Variants in LRRC4C observed in about 807,000 individuals in gnomAD.
LRRC4C encodes leucine-rich repeat-containing protein 4C.
LRRC4C carries 5 observed loss-of-function variants against 33.6 expected under a neutral mutation model. The observed-to-expected ratio is 0.15, with a 90% CI of 0.08 to 0.31. The LOEUF (loss-of-function observed/expected upper bound fraction) is 0.31. LRRC4C is among the 10% of genes least tolerant of loss of function. The pLI, the probability that LRRC4C is intolerant of heterozygous loss-of-function variation, is 1.00. For missense variants in LRRC4C, 560 were observed against 796.7 expected, an observed-to-expected ratio of 0.70 and a Z score of 3.58; for synonymous variants, 329 against 302.0, an observed-to-expected ratio of 1.09 and a Z score of -0.93.
intron 3 of LRRC4C, among the ~76,000 whole-genome samples, chr11:40,507,684 T>A (rs956027134): frequency 6.6e-6 from 1 of 152,110 alleles, no homozygotes; most frequent in African/African-American, 2.4e-5. Flanking sequence ...TATTTTAATA[T>A]TGGCAACTAT....
At chr11:40,762,672 T>C (rs1949275668) in intron 2 of LRRC4C, among the ~76,000 whole-genome samples, 1 of 152,138 alleles carries the variant, frequency 6.6e-6, no homozygotes, top group Non-Finnish European at 1.5e-5. Flanking sequence ...CATACCTCAG[T>C]CTTTGCCAAA....
intron 3 of LRRC4C, among the ~76,000 whole-genome samples, chr11:40,636,885 T>G (rs909186466): frequency 1.3e-5 from 2 of 152,282 alleles, no homozygotes; most frequent in African/African-American, 4.8e-5. Flanking sequence ...CCATCTCCCT[T>G]GGCAGTGAGC....
intron 5 of LRRC4C, among the ~76,000 whole-genome samples, chr11:40,164,736 C>T (rs1049310674): frequency 6.6e-6 from 1 of 152,022 alleles, no homozygotes; most frequent in Non-Finnish European, 1.5e-5. Flanking sequence ...TTCAAAATAG[C>T]TAAAAGAGAA....
chr11:41,114,502 A>G (rs1362653993), intron 1 of LRRC4C, among the ~76,000 whole-genome samples: 1 of 152,080 alleles, frequency 6.6e-6, no homozygotes, highest in African/African-American at 2.4e-5. Flanking sequence ...AAAAGACATT[A>G]TCATTTGGGT....
intron 2 of LRRC4C, among the ~76,000 whole-genome samples, chr11:40,804,528 A>G (rs958213265): frequency 1.3e-5 from 2 of 152,202 alleles, no homozygotes; most frequent in African/African-American, 4.8e-5. Context: ...CACTTGGCTA[A>G]TAAGCCTTCT....
intron 1 of LRRC4C, among the ~76,000 whole-genome samples, chr11:41,295,349 T>TA (rs926934925): frequency 8.6e-5 from 13 of 151,886 alleles, no homozygotes; most frequent in East Asian, 7.7e-4. Flanking sequence ...CAATATGCGG[T>TA]AAAAAAAAGC....
At chr11:40,698,416 C>A (rs1449500903) in intron 2 of LRRC4C, among the ~76,000 whole-genome samples, 1 of 152,048 alleles carries the variant, frequency 6.6e-6, no homozygotes, top group Non-Finnish European at 1.5e-5. Context: ...GGAGAATAAT[C>A]CAATTCTGGT....
At chr11:40,815,676 T>C (rs1951679237) in intron 2 of LRRC4C, among the ~76,000 whole-genome samples, 1 of 152,152 alleles carries the variant, frequency 6.6e-6, no homozygotes, top group Admixed American at 6.6e-5. Flanking sequence ...AGCACCAGTC[T>C]CATTAAAATT....
At chr11:40,660,597 G>A (rs1389542381) in intron 2 of LRRC4C, among the ~76,000 whole-genome samples, 1 of 152,138 alleles carries the variant, frequency 6.6e-6, no homozygotes, top group Admixed American at 6.5e-5. Context: ...TGCTGCTTCT[G>A]CTGAATATGT....
At chr11:40,402,190 G>C (rs897361771) in intron 3 of LRRC4C, among the ~76,000 whole-genome samples, 1 of 152,076 alleles carries the variant, frequency 6.6e-6, no homozygotes, top group Non-Finnish European at 1.5e-5. Context: ...TGTCAAACTG[G>C]ATTTCATTGT....
rs35200000 is a variant in LRRC4C at position 40,382,684 on chromosome 11, A to ATTTTTTTTT, written c.-269-62972_-269-62964dup. Among the ~76,000 whole-genome samples the ATTTTTTTTT allele has an allele frequency of 1.8e-4, 12 of 65,570 alleles. 1 individual carries two copies. The highest frequency in any genetic ancestry group is 6.0e-4 in the South Asian group (1 of 1,658). The allele number at this position is 65,570 out of a possible 152,430, so 43.0% of individuals were successfully genotyped here. A position where few individuals can be genotyped will look rare whatever the true frequency, so the allele number is the denominator to read the frequency against. On this transcript the variant is annotated intron_variant, in intron 3 of 6. Coordinates refer to ENST00000528697, the MANE Select transcript of LRRC4C (RefSeq NM_001258419.2). ...TTTTGCACAACTAAAACTTGTACTC[A>ATTTTTTTTT]TTTTTTTTTTTTTTTTTTTTTTTTT...
chr11:40,235,217 T>G (rs1393185758), intron 5 of LRRC4C, among the ~76,000 whole-genome samples: 1 of 152,240 alleles, frequency 6.6e-6, no homozygotes, highest in Non-Finnish European at 1.5e-5. Context: ...ACAGATATAA[T>G]AGTCCTTGTC....
At chr11:40,478,704 A>C (rs1458624858) in intron 3 of LRRC4C, among the ~76,000 whole-genome samples, 2 of 152,146 alleles carry the variant, frequency 1.3e-5, no homozygotes, top group Non-Finnish European at 2.9e-5. Context: ...GAATCCAGTA[A>C]AAACCTATTC....
intron 2 of LRRC4C, among the ~76,000 whole-genome samples, chr11:40,871,051 C>T (rs796463994): frequency 3.2e-4 from 48 of 152,056 alleles, no homozygotes; most frequent in African/African-American, 1.1e-3. Context: ...ATGAAATAAG[C>T]CCCAGTCTCC....
intron 1 of LRRC4C, among the ~76,000 whole-genome samples, chr11:41,279,381 A>AACACACACACACAC (rs575973002): frequency 7.9e-5 from 10 of 126,456 alleles, no homozygotes; most frequent in Middle Eastern, 4.2e-3. Context: ...CACACACACA[A>AACACACACACACAC]ACACACACAC....
intron 1 of LRRC4C, among the ~76,000 whole-genome samples, chr11:41,097,548 T>C (rs1420288018): frequency 1.3e-5 from 2 of 152,124 alleles, no homozygotes; most frequent in Non-Finnish European, 2.9e-5. Flanking sequence ...AAAATAATAG[T>C]GACCTATGGA....
At chr11:40,579,117 C>A (rs1054631447) in intron 3 of LRRC4C, among the ~76,000 whole-genome samples, 2 of 152,058 alleles carry the variant, frequency 1.3e-5, no homozygotes, top group Non-Finnish European at 2.9e-5. Context: ...GTAGGTAGAT[C>A]ACTGGAGTCC....
chr11:40,488,594 GC>G (rs1409372302), intron 3 of LRRC4C, among the ~76,000 whole-genome samples: 2 of 151,982 alleles, frequency 1.3e-5, no homozygotes, highest in Admixed American at 6.6e-5. Context: ...GTTGTCTGTG[GC>G]CTTGTGGCTT....
intron 3 of LRRC4C, among the ~76,000 whole-genome samples, chr11:40,468,880 C>T (rs998404748): frequency 5.9e-5 from 9 of 152,072 alleles, no homozygotes; most frequent in Non-Finnish European, 1.2e-4. Flanking sequence ...ATTCTAATAA[C>T]TTAAGATTAG....
Sources: gnomAD v4.1 joint callset for allele counts (sites outside exome capture counted in the v4.1 genomes callset) on GRCh38, gnomAD v4.1.1 for gene constraint, MANE v1.5 for transcripts, NCBI Gene and HGNC (gene_info 2026-07-23, HGNC 2026-07-21) for gene names.